AHSG: variants seen among roughly 807,000 people sequenced by gnomAD.
The protein encoded by AHSG is alpha 2-HS glycoprotein.
Under a neutral mutation model 30.1 loss-of-function variants are expected in AHSG, and 23 were observed. That is an observed-to-expected ratio of 0.76 (90% CI 0.55 to 1.08). AHSG has a LOEUF of 1.08. AHSG is among the 50% of genes least tolerant of loss of function. The pLI is 0.00. For missense variants in AHSG, 469 were observed against 459.5 expected, an observed-to-expected ratio of 1.02 and a Z score of -0.19; for synonymous variants, 164 against 186.3, an observed-to-expected ratio of 0.88 and a Z score of 0.98.
rs745615760 is a variant in AHSG at position 186,620,933 on chromosome 3, T to C, written c.*3T>C. ...GGATCAGACACTTCAAGGTCTAGGC[T>C]AGACATGGCAGAGATGAGGAGGTTT... On this transcript the variant is annotated 3_prime_UTR_variant, in exon 7 of 7. Transcript: ENST00000411641. The C allele has an allele frequency of 1.9e-6, 3 of 1,604,982 alleles. No homozygotes were observed. The highest frequency in any genetic ancestry group is 2.6e-6 in the Non-Finnish European group (3 of 1,172,502).
At position 186,616,425 on chromosome 3, in the gene AHSG, G is replaced by C. The variant is rs757682407; in HGVS notation, c.325-18G>C. 1.9e-6 allele frequency: 3 copies of C among 1,609,882 alleles called. No homozygotes were observed. The highest frequency in any genetic ancestry group is 2.5e-6 in the Non-Finnish European group (3 of 1,177,580). On this transcript the variant is annotated intron_variant, in intron 2 of 6. Transcript: ENST00000411641. ...GAAGGGGAAGGGCAGCCATCCTCAC[G>C]TGGGTTTCTTTCTCCAGGCTGTCGA...
intron 6 of AHSG, 130 bp downstream of exon 6, chr3:186,620,070 C>G (rs1716431427): frequency 3.3e-6 from 2 of 614,394 alleles, no homozygotes; most frequent in Non-Finnish European, 5.4e-6. Context: ...TGAAATAACA[C>G]TGGGGTATGC....
intron 4 of AHSG, chr3:186,617,558 C>T (rs1422583332): frequency 1.1e-6 from 1 of 913,610 alleles, no homozygotes; most frequent in South Asian, 1.6e-5. Context: ...TCAGCGCCTC[C>T]CCCATGCTGA....
chr3:186,616,388 T>C (rs1716304976), intron 2 of AHSG, 55 bp from the exon 3 acceptor site: 1 of 1,476,088 alleles, frequency 6.8e-7, no homozygotes, highest in Non-Finnish European at 9.4e-7. Context: ...GGAGGGAGCC[T>C]GCCCGGGGTG....
Position 186,618,419 on chromosome 3 carries a change from C to A in AHSG, c.574-117C>A. ...CCATTGAGGGACATGTCTTCTGGGCCGACGCATGGTCTGCATGAATGGTGC... is the reference window on the plus strand; with the variant it reads ...CCATTGAGGGACATGTCTTCTGGGCAGACGCATGGTCTGCATGAATGGTGC... On this transcript the variant is annotated intron_variant, in intron 4 of 6. Coordinates refer to ENST00000411641, the MANE Select transcript of AHSG (RefSeq NM_001622.4). The A allele has an allele frequency of 3.4e-6, 5 of 1,487,352 alleles. No individual in the cohort carries two copies. The South Asian group carries it at 6.6e-5, about 20-fold the overall frequency. The allele number at this position is 1,487,352 out of a possible 1,614,324, so 92.1% of individuals were successfully genotyped here. A position where few individuals can be genotyped will look rare whatever the true frequency, so the allele number is the denominator to read the frequency against.
intron 6 of AHSG, 23 bp from the exon 7 acceptor site, chr3:186,620,561 CTG>C: frequency 6.4e-7 from 1 of 1,563,282 alleles, no homozygotes; most frequent in Non-Finnish European, 8.7e-7. Flanking sequence ...AGCAAACTAA[CTG>C]AAGGAAATGG....
rs559479308 is a variant in AHSG at position 186,613,089 on chromosome 3, G to A, written c.-53G>A. ...CTTTCCCAGCAGAGCACCTGGGTTG[G>A]TCCCGAAGCCTCCAACCACCTGCAC... On this transcript the variant is annotated 5_prime_UTR_variant, in exon 1 of 7. Transcript: ENST00000411641. 1.3e-6 allele frequency: 2 copies of A among 1,565,938 alleles called. No individual in the cohort carries two copies. The highest frequency in any genetic ancestry group is 4.5e-5 in the East Asian group (2 of 44,278).
intron 6 of AHSG, among the ~76,000 whole-genome samples, chr3:186,620,263 C>T (rs1157871084): frequency 6.6e-6 from 1 of 152,178 alleles, no homozygotes; most frequent in East Asian, 1.9e-4. Context: ...CTCCCAGTGG[C>T]TGCAGCTTCA....
chr3:186,618,730 A>G, intron 5 of AHSG, 93 bp downstream of exon 5: 3 of 1,513,022 alleles, frequency 2.0e-6, no homozygotes, highest in Non-Finnish European at 2.7e-6. Flanking sequence ...GGGGCTGCAG[A>G]CAGAGAATAA....
In AHSG at chr3:186,615,790, G is replaced by C; in HGVS notation, c.319G>C (p.Glu107Gln). The C allele has an allele frequency of 6.2e-7, 1 of 1,613,974 alleles. No homozygotes were observed. Among genetic ancestry groups the C allele is most frequent in the Non-Finnish European group, 8.5e-7 (1 of 1,179,794 alleles). Residue 107 changes from glutamate to glutamine, a missense_variant, in exon 2 of 7, where the codon GAG becomes CAG. Physicochemically the swap from Glu to Gln is conservative, Grantham distance 29 (BLOSUM62 2). Transcript: ENST00000411641. ...AAGATGCAGCGTGAGGCAGCTGAAG[G>C]AGCATGTGAGTACCCTTCTTAGGAT... ...VARCSVRQLKEHAVEGDCDFQ... is the reference protein window; with the variant it reads ...VARCSVRQLKQHAVEGDCDFQ...
Position 186,616,216 on chromosome 3 carries a change from A to G in AHSG, c.325-227A>G, listed in dbSNP as rs577710666. Among the ~76,000 whole-genome samples, 4 of 152,252 alleles carry G rather than the reference A, an allele frequency of 2.6e-5. No individual in the cohort carries two copies. The South Asian group carries it at 8.3e-4, about 32-fold the overall frequency. ...CTATCTCGAAATAATAATAATAATA[A>G]TCATCATCATAAATAAAATTGCCAT... is the stretch of plus-strand genomic sequence containing the variant. On this transcript the variant is annotated intron_variant, in intron 2 of 6. Coordinates refer to ENST00000411641, the MANE Select transcript of AHSG (RefSeq NM_001622.4).
Position 186,615,724 on chromosome 3 carries a change from C to G in AHSG, c.253C>G (p.Leu85Val). 2.5e-6 allele frequency: 4 copies of G among 1,614,242 alleles called. No homozygotes were observed. Among genetic ancestry groups the G allele is most frequent in the Non-Finnish European group, 3.4e-6 (4 of 1,180,042 alleles). ...GCTGTTTGAGATTGAAATAGACACC[C>G]TGGAAACCACCTGCCATGTGCTGGA... Reference protein sequence around the residue: ...GELFEIEIDTLETTCHVLDPT... With the variant: ...GELFEIEIDTVETTCHVLDPT... The change falls in exon 2 of 7, where the codon CTG becomes GTG. Residue 85 changes from leucine (L) to valine (V), a missense_variant. Transcript: ENST00000411641.
At position 186,620,655 on chromosome 3, in the gene AHSG, G is replaced by T; in HGVS notation, c.829G>T (p.Ala277Ser). ...AVPTPVVDPD[A>S]PPSPPLGAPG... ...CCCCACACCCGTGGTGGACCCAGAT[G>T]CACCTCCGTCCCCTCCACTTGGCGC... Residue 277 changes from alanine to serine, a missense_variant, in exon 7 of 7, where the codon GCA becomes TCA. Ala to Ser is a moderately conservative substitution (Grantham distance 99). Coordinates refer to ENST00000411641, the MANE Select transcript of AHSG (RefSeq NM_001622.4). The T allele has an allele frequency of 6.2e-7, 1 of 1,614,040 alleles. No individual in the cohort carries two copies. The highest frequency in any genetic ancestry group is 8.5e-7 in the Non-Finnish European group (1 of 1,179,974).
chr3:186,620,907 A>G lies in AHSG; in HGVS notation c.1081A>G (p.Arg361Gly). Reference sequence around the variant, plus strand: ...GCCAGTGGTTCCTCCATGTCCGGGGAGGATCAGACACTTCAAGGTCTAGGC... The same window carrying G: ...GCCAGTGGTTCCTCCATGTCCGGGGGGGATCAGACACTTCAAGGTCTAGGC... ...AGPVVPPCPG[R>G]IRHFKV Residue 361 changes from arginine (R) to glycine (G), a missense_variant, in exon 7 of 7, where the codon AGG (arginine) becomes GGG (glycine). By Grantham distance (125) the Arg-to-Gly change is moderately radical. Coordinates refer to ENST00000411641, the MANE Select transcript of AHSG (RefSeq NM_001622.4). 1.2e-6 allele frequency: 2 copies of G among 1,613,446 alleles called. No homozygotes were observed. Among genetic ancestry groups the G allele is most frequent in the Non-Finnish European group, 1.7e-6 (2 of 1,179,586 alleles).
rs780462191 is a variant in AHSG, at chr3:186,617,202, T to G, written c.425T>G (p.Val142Gly). 2.5e-6 allele frequency: 4 copies of G among 1,612,450 alleles called. No individual in the cohort carries two copies. The South Asian group carries it at 4.4e-5, about 18-fold the overall frequency. Reference protein sequence around the residue: ...CDSSPDSAEDVRKVCQDCPLL... With the variant: ...CDSSPDSAEDGRKVCQDCPLL... Reference sequence around the variant, plus strand: ...CTCCGAGCAGACTCAGCCGAGGACGTGCGCAAGGTGTGCCAAGACTGCCCC... The same window carrying G: ...CTCCGAGCAGACTCAGCCGAGGACGGGCGCAAGGTGTGCCAAGACTGCCCC... The change falls in exon 4 of 7, where the codon GTG becomes GGG. Residue 142 changes from valine to glycine, a missense_variant. Coordinates refer to ENST00000411641, the MANE Select transcript of AHSG (RefSeq NM_001622.4).
At chr3:186,616,090 G>A (rs888808831) in intron 2 of AHSG, among the ~76,000 whole-genome samples, 1 of 152,208 alleles carries the variant, frequency 6.6e-6, no homozygotes, top group Non-Finnish European at 1.5e-5. Flanking sequence ...CCAGCTCCTC[G>A]GGAGGCTGAG....
chr3:186,613,408 A>C lies in AHSG; in HGVS notation c.213+54A>C, dbSNP rs1716205026. 3 of 1,471,692 alleles carry C rather than the reference A, an allele frequency of 2.0e-6. No individual in the cohort carries two copies. In the South Asian group the frequency reaches 4.0e-5, roughly 20 times the overall value. The allele number at this position is 1,471,692 out of a possible 1,614,324, so 91.2% of individuals were successfully genotyped here. The stretch of plus-strand genomic sequence containing the variant: ...AATAATGTGTACATGGAGCTCAATC[A>C]GGTGCCTCAAAAAATCACCATCACC... On this transcript the variant is annotated intron_variant, in intron 1 of 6. Coordinates refer to ENST00000411641, the MANE Select transcript of AHSG (RefSeq NM_001622.4).
chr3:186,620,524 T>C, intron 6 of AHSG, 62 bp from the exon 7 acceptor site: 9 of 1,438,858 alleles, frequency 6.3e-6, no homozygotes, highest in Non-Finnish European at 8.6e-6. Flanking sequence ...CACCTGGGCC[T>C]GTGGGTTGTC....
intron 6 of AHSG, 134 bp downstream of exon 6, chr3:186,620,074 G>A (rs1223045383): frequency 1.0e-5 from 6 of 596,448 alleles, no homozygotes; most frequent in Non-Finnish European, 1.7e-5. Flanking sequence ...ATAACACTGG[G>A]GTATGCGGAA....
Sources: allele counts gnomAD v4.1 joint callset (sites outside exome capture counted in the v4.1 genomes callset), GRCh38; gene constraint gnomAD v4.1.1; transcripts MANE v1.5; gene names NCBI Gene and HGNC (gene_info 2026-07-23, HGNC 2026-07-21).